CELF2: variants seen among roughly 807,000 people sequenced by gnomAD.
CELF2 encodes the protein CUG triplet repeat RNA-binding protein 2.
Under a neutral mutation model 62.6 loss-of-function variants are expected in CELF2, and 8 were observed. The observed-to-expected ratio is 0.13, with a 90% CI of 0.07 to 0.23. The LOEUF (loss-of-function observed/expected upper bound fraction) is 0.23, where lower values mean the gene tolerates loss of function less well. CELF2 is among the 10% of genes least tolerant of loss of function. The probability of loss-of-function intolerance (pLI) is 1.00; values close to 1 mark genes in which losing one functional copy is unlikely to be tolerated. For synonymous variants in CELF2, 258 were observed against 250.0 expected (o/e 1.03, Z -0.30); for missense variants, 333 against 671.0 (o/e 0.50, Z 5.56).
the CELF2 span, among the ~76,000 whole-genome samples, chr10:10,791,297 G>T: frequency 1.4e-5 from 2 of 147,142 alleles, no homozygotes; most frequent in African/African-American, 2.5e-5. Context: ...GGTGAGCTTT[G>T]TTTTCCTCTC....
intron 1 of CELF2, among the ~76,000 whole-genome samples, chr10:11,063,329 T>A (rs111744112): frequency 0.011 from 1,712 of 152,340 alleles, 35 homozygotes; most frequent in African/African-American, 0.039. Flanking sequence ...TGATTTGAAA[T>A]CATTGAAAGA....
chr10:10,525,115 C>T, the CELF2 span, among the ~76,000 whole-genome samples: 4 of 152,092 alleles, frequency 2.6e-5, no homozygotes, highest in Non-Finnish European at 4.4e-5. Flanking sequence ...CACCTCACAA[C>T]GGGATCAGTT....
intron 11 of CELF2, among the ~76,000 whole-genome samples, chr10:11,325,227 A>T (rs1205287334): frequency 1.3e-5 from 2 of 152,174 alleles, no homozygotes; most frequent in African/African-American, 2.4e-5. Flanking sequence ...CAGGAGAGTC[A>T]TTCCTCTCAA....
the CELF2 span, among the ~76,000 whole-genome samples, chr10:10,509,276 T>G: frequency 6.6e-6 from 1 of 152,176 alleles, no homozygotes; most frequent in East Asian, 1.9e-4. Context: ...GCTTGTGATG[T>G]TGATAGAGAC....
chr10:11,079,888 G>A (rs1280022036), intron 1 of CELF2, among the ~76,000 whole-genome samples: 1 of 152,148 alleles, frequency 6.6e-6, no homozygotes, highest in African/African-American at 2.4e-5. Context: ...AGTGCAAACA[G>A]CAATAGCAAG....
chr10:10,568,005 T>G, the CELF2 span, among the ~76,000 whole-genome samples: 37,078 of 151,958 alleles, frequency 0.24, 4,745 homozygotes, highest in South Asian at 0.42. Context: ...ACTCTCACTC[T>G]GGGGAATAAG....
intron 3 of CELF2, among the ~76,000 whole-genome samples, chr10:11,218,807 T>C (rs1392985688): frequency 6.6e-6 from 1 of 152,194 alleles, no homozygotes; most frequent in East Asian, 1.9e-4. Context: ...TTTAAAAAAA[T>C]TGTATTATTT....
the CELF2 span, among the ~76,000 whole-genome samples, chr10:10,665,403 AAT>A: frequency 2.0e-5 from 3 of 151,710 alleles, no homozygotes; most frequent in Non-Finnish European, 2.9e-5. Flanking sequence ...TGTATCCATA[AAT>A]ATATATATAT....
the CELF2 span, among the ~76,000 whole-genome samples, chr10:10,464,100 C>T: frequency 2.0e-5 from 3 of 152,076 alleles, no homozygotes; most frequent in Non-Finnish European, 2.9e-5. Flanking sequence ...CTATATTTAA[C>T]AGCTCTGAAC....
the CELF2 span, among the ~76,000 whole-genome samples, chr10:10,562,534 A>T: frequency 6.6e-6 from 1 of 152,164 alleles, no homozygotes; most frequent in Non-Finnish European, 1.5e-5. Flanking sequence ...GTAGTGGCAG[A>T]TCCAAGACTC....
At chr10:10,857,653 A>ATATATATATATATATATATG (rs2133025249) in intron 1 of CELF2, among the ~76,000 whole-genome samples, 1 of 108,596 alleles carries the variant, frequency 9.2e-6, no homozygotes, top group African/African-American at 3.7e-5. Context: ...TATATAGTAT[A>ATATATATATATATATATATG]TATATATATA....
the CELF2 span, among the ~76,000 whole-genome samples, chr10:10,729,108 T>C: frequency 3.3e-5 from 5 of 152,150 alleles, no homozygotes; most frequent in African/African-American, 1.2e-4. Context: ...AGCTAAAGGT[T>C]TTGAGGTTTA....
the CELF2 span, among the ~76,000 whole-genome samples, chr10:10,722,592 T>G: frequency 8.5e-5 from 13 of 152,370 alleles, no homozygotes; most frequent in East Asian, 2.3e-3. Context: ...ACAAGATTAT[T>G]TTTATAATTA....
At position 11,255,215 on chromosome 10, in the gene CELF2, G is replaced by A. The variant is rs1243837270; in HGVS notation, c.404-2523G>A. On this transcript the variant is annotated intron_variant, in intron 4 of 12. Coordinates refer to ENST00000633077, the MANE Select transcript of CELF2 (RefSeq NM_001326342.2). The surrounding 1 kb of genome is among the most constrained non-coding windows in gnomAD (Gnocchi z 5.5). Reference sequence around the variant, plus strand: ...CTTGAATTAGAAGTTTTCCGTCAGCGTACAGGAGGTCAGGTCCTCAGCAGT... The same window carrying A: ...CTTGAATTAGAAGTTTTCCGTCAGCATACAGGAGGTCAGGTCCTCAGCAGT... 1.3e-5 allele frequency among the ~76,000 whole-genome samples: 2 copies of A among 152,212 alleles called. No homozygotes were observed. The highest frequency in any genetic ancestry group is 2.9e-5 in the Non-Finnish European group (2 of 68,026).
chr10:11,230,984 G>A (rs1045140953), intron 3 of CELF2, among the ~76,000 whole-genome samples: 4 of 152,158 alleles, frequency 2.6e-5, no homozygotes, highest in Non-Finnish European at 2.9e-5. Context: ...CTTGCTATCC[G>A]CAGCTTGAGA....
intron 1 of CELF2, among the ~76,000 whole-genome samples, chr10:11,077,401 G>A (rs958190434): frequency 3.3e-5 from 5 of 152,212 alleles, no homozygotes; most frequent in African/African-American, 1.2e-4. Context: ...GGTCAGTTCT[G>A]ATGAGTCCAG....
At chr10:10,999,638 G>A (rs1592905665) in intron 2 of CELF2, among the ~76,000 whole-genome samples, 2 of 152,268 alleles carry the variant, frequency 1.3e-5, no homozygotes, top group East Asian at 3.9e-4. Context: ...TTGTGGATGT[G>A]TTATGATAGT....
chr10:11,282,483 A>G (rs2089292759), intron 8 of CELF2, among the ~76,000 whole-genome samples: 1 of 152,234 alleles, frequency 6.6e-6, no homozygotes, highest in Non-Finnish European at 1.5e-5. Flanking sequence ...GTAGCAGAGC[A>G]CGGGTAAGGC....
the CELF2 span, among the ~76,000 whole-genome samples, chr10:10,762,128 C>G: frequency 6.6e-6 from 1 of 152,034 alleles, no homozygotes; most frequent in Non-Finnish European, 1.5e-5. Flanking sequence ...GAGAAGAGGT[C>G]CTAAAACTGA....
Sources: gnomAD v4.1 joint callset for allele counts (sites outside exome capture counted in the v4.1 genomes callset) on GRCh38, gnomAD v4.1.1 for gene constraint, Gnocchi (gnomAD v3.1) non-coding constraint, MANE v1.5 for transcripts, NCBI Gene and HGNC (gene_info 2026-07-23, HGNC 2026-07-21) for gene names.